The following FZD6 variants were observed in gnomAD, a reference collection of about 807,000 sequenced individuals.
FZD6 encodes frizzled class receptor 6.
A neutral mutation model predicts 61.4 loss-of-function variants in FZD6; 49 were observed. The ratio of observed to expected loss-of-function variants is 0.80; its 90% CI spans 0.63 to 1.01. The LOEUF (loss-of-function observed/expected upper bound fraction) is 1.01, where lower values mean the gene tolerates loss of function less well. Among genes scored for constraint, FZD6 ranks in the 50% least tolerant of loss-of-function variants. The pLI, the probability that FZD6 is intolerant of heterozygous loss-of-function variation, is 0.00. For synonymous variants in FZD6, 265 were observed against 292.2 expected, an observed-to-expected ratio of 0.91 and a Z score of 0.95; for missense variants, 724 against 848.2, an observed-to-expected ratio of 0.85 and a Z score of 1.82.
In FZD6 at chr8:103,325,425, T is replaced by C. The variant is rs560116992; in HGVS notation, c.1319T>C (p.Val440Ala). Residue 440 changes from valine to alanine, a missense_variant, in exon 4 of 7, where the codon GTG becomes GCG. Coordinates refer to ENST00000358755, the MANE Select transcript of FZD6 (RefSeq NM_003506.4). ...CTCGGATGTTACGTCTATGAGCAAG[T>C]GAACAGGATTACCTGGGAGATAACT... ...TLLGCYVYEQ[V>A]NRITWEITWV... 5.6e-6 allele frequency: 9 copies of C among 1,613,628 alleles called. No homozygotes were observed. In the East Asian group the frequency reaches 6.7e-5, roughly 12 times the overall value.
chr8:103,315,803 T>C (rs1374012705), intron 2 of FZD6, among the ~76,000 whole-genome samples: 1 of 152,202 alleles, frequency 6.6e-6, no homozygotes, highest in Non-Finnish European at 1.5e-5. Context: ...CCCTCAATAC[T>C]AAAAGGCTTT....
At chr8:103,302,378 C>A (rs1814197275) in intron 2 of FZD6, among the ~76,000 whole-genome samples, 2 of 152,014 alleles carry the variant, frequency 1.3e-5, no homozygotes, top group Non-Finnish European at 2.9e-5. Flanking sequence ...ATGACATTAA[C>A]CCCTTCTCAA....
intron 2 of FZD6, among the ~76,000 whole-genome samples, chr8:103,317,838 A>AAGAAAG (rs1554622335): frequency 1.3e-5 from 1 of 76,016 alleles, no homozygotes. Context: ...AAAAAAAAAA[A>AAGAAAG]AAAGAAAGAA....
At position 103,322,600 on chromosome 8, in the gene FZD6, T is replaced by C. The variant is rs80070262; in HGVS notation, c.375-1881T>C. Among the ~76,000 whole-genome samples the C allele has an allele frequency of 9.9e-3, 1,513 of 152,212 alleles. 31 individuals are homozygous for C. The highest frequency in any genetic ancestry group is 0.034 in the African/African-American group (1,413 of 41,520). On this transcript the variant is annotated intron_variant, in intron 3 of 6. Coordinates refer to ENST00000358755, the MANE Select transcript of FZD6 (RefSeq NM_003506.4). ...ACATTAGTCTTGATTAATTTTTTTTTCCTATTCTCTAGACAGTGGAGGCTG... is the reference window on the plus strand; with the variant it reads ...ACATTAGTCTTGATTAATTTTTTTTCCCTATTCTCTAGACAGTGGAGGCTG...
intron 4 of FZD6, among the ~76,000 whole-genome samples, chr8:103,327,796 T>G (rs990836712): frequency 3.9e-5 from 6 of 152,096 alleles, no homozygotes; most frequent in Admixed American, 3.9e-4. Flanking sequence ...CTTAGGAAAT[T>G]TTCGCATTTT....
upstream of FZD6, chr8:103,298,699 G>C (rs1208702449): frequency 6.6e-6 from 1 of 151,390 alleles, no homozygotes; most frequent in Non-Finnish European, 1.5e-5. Flanking sequence ...CCCGTTCACC[G>C]GGGCCGGGTC....
chr8:103,321,831 G>A (rs1191097141), intron 3 of FZD6, among the ~76,000 whole-genome samples: 5 of 152,026 alleles, frequency 3.3e-5, no homozygotes, highest in Non-Finnish European at 5.9e-5. Context: ...GACCCATGAC[G>A]CTCCTTCTTT....
intron 4 of FZD6, among the ~76,000 whole-genome samples, chr8:103,327,761 C>T (rs1004011140): frequency 6.6e-6 from 1 of 151,906 alleles, no homozygotes; most frequent in African/African-American, 2.4e-5. Flanking sequence ...AAGTTTATGC[C>T]TGAATAAAAA....
intron 2 of FZD6, among the ~76,000 whole-genome samples, chr8:103,313,038 G>A (rs1814539887): frequency 6.6e-6 from 1 of 152,192 alleles, no homozygotes; most frequent in Admixed American, 6.5e-5. Context: ...GCAGCACAGA[G>A]TGAAGGTTAA....
chr8:103,315,044 T>G (rs999330608), intron 2 of FZD6, among the ~76,000 whole-genome samples: 2 of 152,208 alleles, frequency 1.3e-5, no homozygotes, highest in Middle Eastern at 3.2e-3. Context: ...CCAAAGCTTA[T>G]AGGGAGCCCT....
Position 103,318,641 on chromosome 8 carries a change from C to A in FZD6, c.229C>A (p.Leu77Ile). The change falls in exon 3 of 7, where the codon CTC becomes ATC. Residue 77 changes from leucine to isoleucine, a missense_variant. Leu to Ile is a conservative substitution (Grantham distance 5). Coordinates refer to ENST00000358755, the MANE Select transcript of FZD6 (RefSeq NM_003506.4). ...LECSPNIETF[L>I]CKAFVPTCIE... ...ATGTTCACCAAACATTGAAACTTTC[C>A]TCTGCAAAGCATTTGTACCAACCTG... 1 of 1,611,708 alleles carries A rather than the reference C, an allele frequency of 6.2e-7. No homozygotes were observed. The highest frequency in any genetic ancestry group is 8.5e-7 in the Non-Finnish European group (1 of 1,177,872).
chr8:103,330,988 T>C (rs374936111), intron 6 of FZD6, among the ~76,000 whole-genome samples: 33 of 152,270 alleles, frequency 2.2e-4, no homozygotes, highest in South Asian at 4.1e-4. Flanking sequence ...CCATTCTGGC[T>C]AACATGGTGA....
chr8:103,320,357 G>C (rs900172545), intron 3 of FZD6, among the ~76,000 whole-genome samples: 1 of 152,112 alleles, frequency 6.6e-6, no homozygotes, highest in Non-Finnish European at 1.5e-5. Context: ...TTCTCCAGCT[G>C]TGGTGGGATG....
intron 2 of FZD6, among the ~76,000 whole-genome samples, chr8:103,316,729 T>C (rs1274208284): frequency 2.6e-5 from 4 of 152,216 alleles, no homozygotes; most frequent in Non-Finnish European, 5.9e-5. Flanking sequence ...CACAGTTTAA[T>C]TTAGTTACAT....
intron 2 of FZD6, among the ~76,000 whole-genome samples, chr8:103,302,138 AGAAAG>A (rs1207512976): frequency 1.2e-4 from 18 of 152,192 alleles, no homozygotes; most frequent in African/African-American, 2.4e-4. Context: ...AGTCTATAGA[AGAAAG>A]GAAAGAGAAA....
At chr8:103,320,692 A>C (rs62525511) in intron 3 of FZD6, among the ~76,000 whole-genome samples, 64,952 of 151,694 alleles carry the variant, frequency 0.43, 14,487 homozygotes, top group East Asian at 0.61. Flanking sequence ...TTTTGGAGAT[A>C]GTGTGTACTT....
Position 103,325,153 on chromosome 8 carries a change from A to G in FZD6, c.1047A>G (p.Glu349=). The change falls in exon 4 of 7, where the codon GAA becomes GAG. Residue 349 remains glutamate, a synonymous_variant. Coordinates refer to ENST00000358755, the MANE Select transcript of FZD6 (RefSeq NM_003506.4). ...TVMLLAMNKV[E]GDNISGVCFV... ...TGCTTCTTGCTATGAACAAAGTTGA[A>G]GGAGACAACATTAGTGGAGTTTGCT... is the stretch of plus-strand genomic sequence containing the variant. 1 of 1,614,044 alleles carries G rather than the reference A, an allele frequency of 6.2e-7. No homozygotes were observed. The highest frequency in any genetic ancestry group is 8.5e-7 in the Non-Finnish European group (1 of 1,179,900).
At chr8:103,317,672 A>C (rs1316249724) in intron 2 of FZD6, among the ~76,000 whole-genome samples, 1 of 152,086 alleles carries the variant, frequency 6.6e-6, no homozygotes, top group Non-Finnish European at 1.5e-5. Flanking sequence ...CTAAAAATAC[A>C]AAAATTAGCC....
chr8:103,329,013 T>TATATATATATATATATATA (rs1815041877), intron 5 of FZD6, among the ~76,000 whole-genome samples: 2 of 115,178 alleles, frequency 1.7e-5, no homozygotes, highest in South Asian at 3.0e-4. Flanking sequence ...CATTTTAGTT[T>TATATATATATATATATATA]TATATATATA....
Sources: gnomAD v4.1 joint callset for allele counts (sites outside exome capture counted in the v4.1 genomes callset) on GRCh38, gnomAD v4.1.1 for gene constraint, MANE v1.5 for transcripts, NCBI Gene and HGNC (gene_info 2026-07-23, HGNC 2026-07-21) for gene names.